Variants in RBM27 observed in about 807,000 individuals in gnomAD.
RBM27 encodes RNA-binding protein 27.
Under a neutral mutation model 135.3 loss-of-function variants are expected in RBM27, and 22 were observed. That is an observed-to-expected ratio of 0.16 (90% CI 0.12 to 0.23). The LOEUF is 0.23. RBM27 is among the 10% of genes least tolerant of loss of function. The pLI, the probability that RBM27 is intolerant of heterozygous loss-of-function variation, is 1.00. For missense variants in RBM27, 1,009 were observed against 1,281.0 expected, an observed-to-expected ratio of 0.79 and a Z score of 3.24; for synonymous variants, 481 against 442.4, an observed-to-expected ratio of 1.09 and a Z score of -1.10.
intron 8 of RBM27, among the ~76,000 whole-genome samples, chr5:146,246,127 T>C (rs1449911594): frequency 2.0e-5 from 3 of 152,220 alleles, no homozygotes; most frequent in Non-Finnish European, 2.9e-5. Flanking sequence ...ACTTCTCAAG[T>C]GTACCAGGTA....
chr5:146,273,860 C>CT (rs1410942613), intron 19 of RBM27, among the ~76,000 whole-genome samples: 4 of 152,172 alleles, frequency 2.6e-5, no homozygotes, highest in African/African-American at 9.7e-5. Flanking sequence ...CTTCAATAGT[C>CT]TAAGAACTTA....
At chr5:146,246,436 A>T (rs554852520) in intron 8 of RBM27, among the ~76,000 whole-genome samples, 3 of 152,272 alleles carry the variant, frequency 2.0e-5, no homozygotes, top group Non-Finnish European at 4.4e-5. Flanking sequence ...TTTGGAAACT[A>T]CTCTGACCAA....
intron 9 of RBM27, 74 bp downstream of exon 9, chr5:146,251,949 C>T (rs1757908895): frequency 2.7e-6 from 4 of 1,468,222 alleles, no homozygotes; most frequent in Non-Finnish European, 2.8e-6. Context: ...AAGCGGTGAC[C>T]TGGCATCCTG....
chr5:146,246,336 GTTAATA>G (rs1213540052), intron 8 of RBM27, among the ~76,000 whole-genome samples: 1 of 152,120 alleles, frequency 6.6e-6, no homozygotes, highest in Non-Finnish European at 1.5e-5. Flanking sequence ...TCTGACTAGA[GTTAATA>G]TTAAGAAGTT....
At chr5:146,210,579 T>TGGAGTCTA (rs1337043578) in intron 1 of RBM27, among the ~76,000 whole-genome samples, 1 of 152,134 alleles carries the variant, frequency 6.6e-6, no homozygotes, top group Non-Finnish European at 1.5e-5. Flanking sequence ...CTGTGAAGAA[T>TGGAGTCTA]GGGCCCTCAC....
chr5:146,247,430 C>T (rs1757676843), intron 8 of RBM27, among the ~76,000 whole-genome samples: 1 of 152,152 alleles, frequency 6.6e-6, no homozygotes, highest in African/African-American at 2.4e-5. Context: ...CATAAATGCC[C>T]TTTTGTACCT....
At chr5:146,246,179 T>C (rs1757616262) in intron 8 of RBM27, among the ~76,000 whole-genome samples, 1 of 152,172 alleles carries the variant, frequency 6.6e-6, no homozygotes, top group Non-Finnish European at 1.5e-5. Flanking sequence ...ATGGCCAGTA[T>C]TGGGAAGATG....
Position 146,258,449 on chromosome 5 carries a change from C to A in RBM27, c.1595C>A (p.Ala532Asp). 1 of 1,541,276 alleles carries A rather than the reference C, an allele frequency of 6.5e-7. No homozygotes were observed. The highest frequency in any genetic ancestry group is 8.7e-7 in the Non-Finnish European group (1 of 1,146,356). Residue 532 changes from alanine to aspartate, a missense_variant and splice_region_variant, in exon 11 of 21, where the codon GCT (alanine) becomes GAT (aspartate). Ala to Asp is a moderately radical substitution (Grantham distance 126). Around this residue, in one of 6 missense-constraint regions of RBM27, gnomAD observed 329 missense variants for 368.1 expected, o/e 0.89. Transcript: ENST00000265271. ...TAATTTCAATTTTTTTTTCCAACAG[C>A]TGCTAACATTGTGATCCAGACTGAA... ...TSGDMDVNPR[A>D]ANIVIQTEPP...
In RBM27 at chr5:146,223,494, A is replaced by G; in HGVS notation, c.270A>G (p.Pro90=). The change falls in exon 3 of 21, where the codon CCA becomes CCG. Residue 90 remains proline, a synonymous_variant. Transcript: ENST00000265271. The stretch of plus-strand genomic sequence containing the variant: ...AACCAGTAAAGCCTGAGCCAAAACC[A>G]CTAGTCCAAGAAAAAGAAGAAATTA... ...LLEPVKPEPK[P]LVQEKEEIKE... is the part of the protein sequence containing the mutation. 6.2e-7 allele frequency: 1 copy of G among 1,607,928 alleles called. No homozygotes were observed. Among genetic ancestry groups the G allele is most frequent in the East Asian group, 2.2e-5 (1 of 44,484 alleles).
chr5:146,257,522 C>G (rs891025234), intron 10 of RBM27, among the ~76,000 whole-genome samples: 1 of 152,186 alleles, frequency 6.6e-6, no homozygotes, highest in Non-Finnish European at 1.5e-5. Flanking sequence ...TGTATACTCT[C>G]TCTTCTCTTT....
intron 2 of RBM27, among the ~76,000 whole-genome samples, chr5:146,219,863 A>C (rs557864942): frequency 6.6e-6 from 1 of 151,376 alleles, no homozygotes; most frequent in Non-Finnish European, 1.5e-5. Context: ...GTTTTGTTTT[A>C]TTTTTCTTTT....
chr5:146,206,992 G>A (rs527560446), intron 1 of RBM27, among the ~76,000 whole-genome samples: 1 of 152,020 alleles, frequency 6.6e-6, no homozygotes, highest in African/African-American at 2.4e-5. Flanking sequence ...ATGTCATCAT[G>A]GGAGATTATT....
chr5:146,257,743 T>C (rs1758172675), intron 10 of RBM27, among the ~76,000 whole-genome samples: 1 of 152,178 alleles, frequency 6.6e-6, no homozygotes. Flanking sequence ...GCAAATAATG[T>C]CCATTAATGG....
chr5:146,209,533 G>GCATA (rs1272084196), intron 1 of RBM27, among the ~76,000 whole-genome samples: 1 of 152,158 alleles, frequency 6.6e-6, no homozygotes, highest in Non-Finnish European at 1.5e-5. Context: ...TGATCATGAT[G>GCATA]CATATACTTT....
At chr5:146,246,813 A>G (rs1757644592) in intron 8 of RBM27, among the ~76,000 whole-genome samples, 1 of 151,864 alleles carries the variant, frequency 6.6e-6, no homozygotes, top group South Asian at 2.1e-4. Flanking sequence ...CAATGTGGTT[A>G]ATCTTGCTTC....
At chr5:146,217,338 T>C (rs1235444673) in intron 1 of RBM27, among the ~76,000 whole-genome samples, 1 of 151,818 alleles carries the variant, frequency 6.6e-6, no homozygotes, top group Admixed American at 6.6e-5. Context: ...AAAGTTGTGT[T>C]ACTGAATTAC....
In RBM27 at chr5:146,233,718, A is replaced by G. The variant is rs1433077344; in HGVS notation, c.1119A>G (p.Pro373=). The G allele has an allele frequency of 6.8e-6, 10 of 1,461,346 alleles. No individual in the cohort carries two copies. Among genetic ancestry groups the G allele is most frequent in the Non-Finnish European group, 9.0e-6 (10 of 1,105,932 alleles). 90.5% of individuals were successfully genotyped at this position (1,461,346 alleles called of 1,614,324 possible). A position where few individuals can be genotyped will look rare whatever the true frequency, so the allele number is the denominator to read the frequency against. The change falls in exon 7 of 21, where the codon CCA becomes CCG. Residue 373 remains proline (P), a synonymous_variant. Transcript: ENST00000265271. ...LPVPQGHGQP[P]PSVVLPIPRP... is the part of the protein sequence containing the mutation. Reference sequence around the variant, plus strand: ...TTCCCCAAGGACATGGTCAGCCTCCACCATCCGTTGTGCTTCCCATACCAA... The same window carrying G: ...TTCCCCAAGGACATGGTCAGCCTCCGCCATCCGTTGTGCTTCCCATACCAA...
chr5:146,205,587 G>T (rs1054411342), intron 1 of RBM27, among the ~76,000 whole-genome samples: 17 of 151,886 alleles, frequency 1.1e-4, no homozygotes, highest in East Asian at 5.8e-4. Context: ...TTGAATAGGG[G>T]TTTTTTTAAC....
At chr5:146,233,418 A>T (rs1757022356) in intron 6 of RBM27, 32 bp from the exon 7 acceptor site, 1 of 1,503,386 alleles carries the variant, frequency 6.7e-7, no homozygotes, top group South Asian at 1.4e-5. Flanking sequence ...GTAGATGATA[A>T]TAAGATTCTT....
Sources: gnomAD v4.1 joint callset for allele counts (sites outside exome capture counted in the v4.1 genomes callset) on GRCh38, gnomAD v4.1.1 for gene constraint, gnomAD v4.1.1 regional missense constraint, MANE v1.5 for transcripts, NCBI Gene and HGNC (gene_info 2026-07-23, HGNC 2026-07-21) for gene names.